LY86: variants seen among roughly 807,000 people sequenced by gnomAD.
LY86 encodes lymphocyte antigen 86, also known as MD-1, RP105-associated.
A neutral mutation model predicts 17.3 loss-of-function variants in LY86; 20 were observed. The ratio of observed to expected loss-of-function variants is 1.15; its 90% CI spans 0.81 to 1.68. The LOEUF (loss-of-function observed/expected upper bound fraction) is 1.68. LY86 is among the 40% of genes most tolerant of loss of function. The pLI is 0.00. For missense variants in LY86, 200 were observed against 191.9 expected, an observed-to-expected ratio of 1.04 and a Z score of -0.25; for synonymous variants, 74 against 70.6, an observed-to-expected ratio of 1.05 and a Z score of -0.24.
rs1760460411 is a variant in LY86 at position 6,589,542 on chromosome 6, G to A, written c.136+672G>A. 2.0e-5 allele frequency among the ~76,000 whole-genome samples: 3 copies of A among 152,212 alleles called. 1 individual carries two copies. In the South Asian group the frequency reaches 6.2e-4, roughly 31 times the overall value. On this transcript the variant is annotated intron_variant, in intron 1 of 4. Coordinates refer to ENST00000230568, the MANE Select transcript of LY86 (RefSeq NM_004271.4). Reference sequence around the variant, plus strand: ...CAGTGAACTGTGGTAAGAAGTGTCAGAACCAACCAATCGGGCTGTGTCTTA... The same window carrying A: ...CAGTGAACTGTGGTAAGAAGTGTCAAAACCAACCAATCGGGCTGTGTCTTA...
intron 3 of LY86, among the ~76,000 whole-genome samples, chr6:6,633,891 A>AT (rs1435921050): frequency 7.8e-6 from 1 of 129,024 alleles, no homozygotes; most frequent in Non-Finnish European, 1.7e-5. Context: ...AGTTAAATAA[A>AT]TTGTGTGTGT....
intron 1 of LY86, among the ~76,000 whole-genome samples, chr6:6,612,410 T>C (rs918117105): frequency 2.6e-5 from 4 of 152,204 alleles, no homozygotes; most frequent in African/African-American, 9.7e-5. Context: ...GTACCTAGTC[T>C]CACTGGCCTC....
At chr6:6,619,587 C>A (rs73718608) in intron 1 of LY86, among the ~76,000 whole-genome samples, 1 of 152,204 alleles carries the variant, frequency 6.6e-6, no homozygotes, top group Non-Finnish European at 1.5e-5. Flanking sequence ...GGGCCCTCTA[C>A]GCCCTTTCTC....
At chr6:6,610,422 C>T (rs1024776361) in intron 1 of LY86, among the ~76,000 whole-genome samples, 3 of 152,198 alleles carry the variant, frequency 2.0e-5, no homozygotes, top group Non-Finnish European at 4.4e-5. Flanking sequence ...CCCTGAGCCC[C>T]CAGAGTCTGG....
At chr6:6,606,126 G>C (rs760780514) in intron 1 of LY86, among the ~76,000 whole-genome samples, 1 of 152,172 alleles carries the variant, frequency 6.6e-6, no homozygotes, top group Non-Finnish European at 1.5e-5. Flanking sequence ...CCATTTTACA[G>C]AGAAGGCCGA....
intron 1 of LY86, among the ~76,000 whole-genome samples, chr6:6,606,667 C>T (rs1761165533): frequency 1.3e-5 from 2 of 152,228 alleles, no homozygotes; most frequent in South Asian, 2.1e-4. Context: ...CAGCTACTGG[C>T]CCAGGTGCTA....
chr6:6,600,526 G>A (rs572972275), intron 1 of LY86, among the ~76,000 whole-genome samples: 176 of 141,094 alleles, frequency 1.2e-3, no homozygotes, highest in Non-Finnish European at 2.3e-3. Context: ...GGAGGCAGAG[G>A]TTGCAGTGAG....
chr6:6,637,298 A>G (rs1159317946), intron 3 of LY86, among the ~76,000 whole-genome samples: 2 of 152,132 alleles, frequency 1.3e-5, no homozygotes, highest in African/African-American at 2.4e-5. Flanking sequence ...GGCGTGAGCC[A>G]CCGCACCTGG....
At chr6:6,595,575 T>C (rs1760687982) in intron 1 of LY86, among the ~76,000 whole-genome samples, 1 of 141,390 alleles carries the variant, frequency 7.1e-6, no homozygotes, top group Non-Finnish European at 1.5e-5. Flanking sequence ...CCAATTTGGC[T>C]CTTCCCAAGT....
intron 1 of LY86, among the ~76,000 whole-genome samples, chr6:6,603,612 AAAC>A (rs1324231290): frequency 6.4e-5 from 8 of 124,692 alleles, no homozygotes; most frequent in African/African-American, 2.3e-4. Context: ...ACAGAAAAAA[AAAC>A]AAACAAAAAA....
intron 1 of LY86, among the ~76,000 whole-genome samples, chr6:6,605,905 C>G (rs115210441): frequency 1.3e-5 from 2 of 152,256 alleles, no homozygotes; most frequent in African/African-American, 4.8e-5. Flanking sequence ...GTCTCGCTGG[C>G]TTCAGGAATG....
intron 3 of LY86, among the ~76,000 whole-genome samples, chr6:6,644,224 A>G (rs1331521592): frequency 6.6e-6 from 1 of 152,238 alleles, no homozygotes; most frequent in Non-Finnish European, 1.5e-5. Context: ...AAAAAGAGGC[A>G]GACCAGGACA....
At chr6:6,614,049 C>T (rs1222156880) in intron 1 of LY86, among the ~76,000 whole-genome samples, 2 of 152,184 alleles carry the variant, frequency 1.3e-5, no homozygotes, top group African/African-American at 2.4e-5. Flanking sequence ...TTATTTACAG[C>T]CTGTATTGGT....
intron 3 of LY86, among the ~76,000 whole-genome samples, chr6:6,639,825 C>T (rs1762013344): frequency 6.6e-6 from 1 of 152,162 alleles, no homozygotes; most frequent in African/African-American, 2.4e-5. Context: ...TTTGGGGGGT[C>T]CTGCACAACC....
chr6:6,595,288 GGGAAGAAGAGGAGAAGGAGGAGGAGGT>G (rs2113076894), intron 1 of LY86, among the ~76,000 whole-genome samples: 2 of 148,592 alleles, frequency 1.3e-5, no homozygotes, highest in South Asian at 4.4e-4. Flanking sequence ...GGAAGAGGTG[GGGAAGAAGAGGAGAAGGAGGAGGAGGT>G]GGAAGAGGAG....
At chr6:6,605,248 TAAAAAC>T (rs1761069082) in intron 1 of LY86, among the ~76,000 whole-genome samples, 1 of 151,416 alleles carries the variant, frequency 6.6e-6, no homozygotes, top group South Asian at 2.1e-4. Flanking sequence ...ATTTGGCAGT[TAAAAAC>T]AATAAGCATT....
At chr6:6,588,954 G>A (rs1760439352) in intron 1 of LY86, 84 bp downstream of exon 1, 4 of 1,451,586 alleles carry the variant, frequency 2.8e-6, no homozygotes, top group African/African-American at 1.8e-5. Flanking sequence ...GTTGGAGTTG[G>A]GGTGGGAGGG....
At chr6:6,595,840 G>T (rs1032181329) in intron 1 of LY86, among the ~76,000 whole-genome samples, 1 of 152,120 alleles carries the variant, frequency 6.6e-6, no homozygotes, top group Non-Finnish European at 1.5e-5. Context: ...ATTCCACCAC[G>T]AGGTAGTCAG....
In LY86 at chr6:6,649,608, T is replaced by C. The variant is rs201990670; in HGVS notation, c.353-17T>C. 7.0e-5 allele frequency: 104 copies of C among 1,477,960 alleles called. No homozygotes were observed. Among genetic ancestry groups the C allele is most frequent in the Non-Finnish European group, 9.5e-5 (101 of 1,068,216 alleles). 91.6% of individuals were successfully genotyped at this position (1,477,960 alleles called of 1,614,324 possible). A position where few individuals can be genotyped will look rare whatever the true frequency, so the allele number is the denominator to read the frequency against. On this transcript the variant is annotated splice_polypyrimidine_tract_variant and intron_variant, in intron 3 of 4. Coordinates refer to ENST00000230568, the MANE Select transcript of LY86 (RefSeq NM_004271.4). ...AATGATTGAATAACATCATCTATGC[T>C]TTATATATTTTTTCAGAGCAGATTT... is the stretch of plus-strand genomic sequence containing the variant.
Sources: allele counts gnomAD v4.1 joint callset (sites outside exome capture counted in the v4.1 genomes callset), GRCh38; gene constraint gnomAD v4.1.1; transcripts MANE v1.5; gene names NCBI Gene and HGNC (gene_info 2026-07-23, HGNC 2026-07-21).